BBS9: variants seen among roughly 807,000 people sequenced by gnomAD.
BBS9 encodes Bardet-Biedl syndrome 9.
Under a neutral mutation model 117.7 loss-of-function variants are expected in BBS9, and 89 were observed. That is an observed-to-expected ratio of 0.76 (90% CI 0.64 to 0.90). The LOEUF (loss-of-function observed/expected upper bound fraction) is 0.90. Ranked by LOEUF, BBS9 falls within the 40% of genes least tolerant of loss-of-function variation. The pLI, the probability that BBS9 is intolerant of heterozygous loss-of-function variation, is 0.00. For missense variants in BBS9, 982 were observed against 1,042.2 expected, an observed-to-expected ratio of 0.94 and a Z score of 0.80; for synonymous variants, 379 against 370.9, an observed-to-expected ratio of 1.02 and a Z score of -0.25.
At chr7:33,364,977 C>T (rs1197946953) in intron 16 of BBS9, among the ~76,000 whole-genome samples, 11 of 151,872 alleles carry the variant, frequency 7.2e-5, no homozygotes, top group Non-Finnish European at 2.9e-5. Flanking sequence ...GATGTGCCTG[C>T]CTCGGCCTCC....
chr7:33,219,034 G>A (rs975653247), intron 5 of BBS9, among the ~76,000 whole-genome samples: 6 of 152,342 alleles, frequency 3.9e-5, no homozygotes, highest in Admixed American at 2.0e-4. Flanking sequence ...CTGGAGTTCC[G>A]GGTGGGTGTG....
intron 21 of BBS9, among the ~76,000 whole-genome samples, chr7:33,550,795 T>C (rs908947306): frequency 6.6e-6 from 1 of 152,218 alleles, no homozygotes; most frequent in Admixed American, 6.5e-5. Context: ...TTCCTGGTGG[T>C]TCTCAGAACA....
rs60567131 is a variant in BBS9, at chr7:33,384,715, TGAGAGA to T, written c.1962+898_1962+903del. Among the ~76,000 whole-genome samples the T allele has an allele frequency of 9.6e-3, 1,388 of 144,812 alleles. 18 individuals are homozygous for T. The highest frequency in any genetic ancestry group is 0.031 in the African/African-American group (1,219 of 39,892). ...GCATGTGTCTGTGTGTGTGTGTGTG[TGAGAGA>T]GAGAGAGAGAGAGAGAGAGAATTAC... is the stretch of plus-strand genomic sequence containing the variant. On this transcript the variant is annotated intron_variant, in intron 18 of 22. Transcript: ENST00000242067.
At chr7:33,361,468 A>T (rs558874329) in intron 16 of BBS9, among the ~76,000 whole-genome samples, 88 of 152,232 alleles carry the variant, frequency 5.8e-4, no homozygotes, top group Middle Eastern at 3.4e-3. Context: ...GCTTGAGTTA[A>T]TGGGTATGCA....
chr7:33,566,847 TC>T (rs2129129570), intron 21 of BBS9, among the ~76,000 whole-genome samples: 1 of 152,304 alleles, frequency 6.6e-6, no homozygotes, highest in South Asian at 2.1e-4. Context: ...GACACATTTT[TC>T]CAAAGAAAAT....
chr7:33,295,495 T>C (rs951155173), intron 9 of BBS9, among the ~76,000 whole-genome samples: 7 of 151,970 alleles, frequency 4.6e-5, no homozygotes, highest in African/African-American at 1.7e-4. Flanking sequence ...TTCATCCCAT[T>C]TCCCCCCATC....
chr7:33,622,548 G>T (rs1044661983), intron 21 of BBS9, among the ~76,000 whole-genome samples: 1 of 152,004 alleles, frequency 6.6e-6, no homozygotes, highest in Non-Finnish European at 1.5e-5. Flanking sequence ...GCATCACTTT[G>T]TATACCGTAA....
chr7:33,357,781 T>G (rs761942006), intron 15 of BBS9, 74 bp from the exon 16 acceptor site: 21 of 1,480,290 alleles, frequency 1.4e-5, no homozygotes, highest in Non-Finnish European at 2.0e-5. Flanking sequence ...CTGCTCAAAC[T>G]ATTAGTAGTA....
chr7:33,399,980 C>T (rs1426221352), intron 19 of BBS9, among the ~76,000 whole-genome samples: 2 of 151,908 alleles, frequency 1.3e-5, no homozygotes, highest in East Asian at 1.9e-4. Context: ...TTCCCTGGGG[C>T]GTGTTCACTT....
At chr7:33,528,857 T>C (rs1850106153) in intron 20 of BBS9, among the ~76,000 whole-genome samples, 1 of 152,248 alleles carries the variant, frequency 6.6e-6, no homozygotes, top group Non-Finnish European at 1.5e-5. Flanking sequence ...TTTCTTAGTT[T>C]ATTTTGTGCT....
At chr7:33,324,978 G>C (rs1455236726) in intron 9 of BBS9, among the ~76,000 whole-genome samples, 1 of 152,138 alleles carries the variant, frequency 6.6e-6, no homozygotes, top group African/African-American at 2.4e-5. Flanking sequence ...AAATTGGCTT[G>C]CTGTTCTGTA....
intron 9 of BBS9, among the ~76,000 whole-genome samples, chr7:33,331,375 A>G (rs1814004813): frequency 1.3e-5 from 2 of 152,312 alleles, no homozygotes; most frequent in South Asian, 4.1e-4. Flanking sequence ...AAGGATGTCC[A>G]CTTCCACCAC....
chr7:33,150,107 G>T (rs1022113431), intron 2 of BBS9, among the ~76,000 whole-genome samples: 1 of 152,168 alleles, frequency 6.6e-6, no homozygotes, highest in Non-Finnish European at 1.5e-5. Flanking sequence ...GGAGAGATTT[G>T]TCAGGTCATT....
rs1025553671 is a variant in BBS9 at position 33,264,364 on chromosome 7, A to T, written c.692A>T (p.Lys231Ile). 6.3e-7 allele frequency: 1 copy of T among 1,581,826 alleles called. No homozygotes were observed. Among genetic ancestry groups the T allele is most frequent in the Non-Finnish European group, 8.6e-7 (1 of 1,162,852 alleles). The change falls in exon 7 of 23, where the codon AAA (lysine) becomes ATA (isoleucine). Residue 231 changes from lysine (K) to isoleucine (I), a missense_variant. Lys to Ile is a moderately radical substitution (Grantham distance 102). Coordinates refer to ENST00000242067, the MANE Select transcript of BBS9 (RefSeq NM_198428.3). ...ETEQQKLGSGKRLVVDWTLNI... is the reference protein window; with the variant it reads ...ETEQQKLGSGIRLVVDWTLNI... ...GAACAGCAAAAACTTGGTTCTGGAA[A>T]AAGACTAGTTGTAAGGCCTTTTTTT...
At chr7:33,183,187 C>T (rs910874985) in intron 5 of BBS9, among the ~76,000 whole-genome samples, 2 of 152,110 alleles carry the variant, frequency 1.3e-5, no homozygotes, top group Admixed American at 6.5e-5. Context: ...ACGAGGGAAA[C>T]AGATGTCTTT....
chr7:33,541,003 C>T (rs1852204173), intron 21 of BBS9, among the ~76,000 whole-genome samples: 1 of 152,204 alleles, frequency 6.6e-6, no homozygotes, highest in South Asian at 2.1e-4. Flanking sequence ...CATTCTCATT[C>T]TTTGGCTTCT....
intron 19 of BBS9, among the ~76,000 whole-genome samples, chr7:33,472,319 G>A (rs1841155304): frequency 6.6e-6 from 1 of 152,214 alleles, no homozygotes; most frequent in African/African-American, 2.4e-5. Flanking sequence ...CTTGATCATG[G>A]AGGATTTTAT....
At chr7:33,409,183 G>C (rs1020822099) in intron 19 of BBS9, among the ~76,000 whole-genome samples, 1 of 152,086 alleles carries the variant, frequency 6.6e-6, no homozygotes, top group Non-Finnish European at 1.5e-5. Context: ...GCCCATTTTT[G>C]TTTTTGTTGC....
chr7:33,484,349 T>A (rs1161973658), intron 19 of BBS9, among the ~76,000 whole-genome samples: 1 of 152,210 alleles, frequency 6.6e-6, no homozygotes, highest in Non-Finnish European at 1.5e-5. Context: ...TGTTGCCAGA[T>A]GTAGAATATG....
Sources: allele counts gnomAD v4.1 joint callset (sites outside exome capture counted in the v4.1 genomes callset), GRCh38; gene constraint gnomAD v4.1.1; transcripts MANE v1.5; gene names NCBI Gene and HGNC (gene_info 2026-07-23, HGNC 2026-07-21).